The following TMEM71 variants were observed in gnomAD, a reference collection of about 807,000 sequenced individuals.
The protein encoded by TMEM71 is transmembrane protein 71.
In TMEM71, 44 loss-of-function variants were observed where a neutral mutation model predicts 38.0. The observed-to-expected ratio is 1.16, with a 90% CI of 0.91 to 1.49. The LOEUF is 1.49. Among genes scored for constraint, TMEM71 ranks in the 40% most tolerant of loss-of-function variants. The probability of loss-of-function intolerance (pLI) is 0.00; values close to 1 mark genes in which losing one functional copy is unlikely to be tolerated. For missense variants in TMEM71, 367 were observed against 348.6 expected (o/e 1.05, Z -0.42); for synonymous variants, 133 against 122.5 (o/e 1.09, Z -0.56).
intron 5 of TMEM71, among the ~76,000 whole-genome samples, chr8:132,742,852 G>T (rs564288754): frequency 1.3e-5 from 2 of 152,290 alleles, no homozygotes; most frequent in Admixed American, 1.3e-4. Context: ...AAAGAAAGAG[G>T]TTTAATGGAC....
the TMEM71 span, among the ~76,000 whole-genome samples, chr8:132,766,378 G>A: frequency 1.4e-5 from 2 of 142,402 alleles, no homozygotes; most frequent in Non-Finnish European, 3.1e-5. Context: ...TAGGGTGATG[G>A]GTAGATGTAT....
intron 5 of TMEM71, among the ~76,000 whole-genome samples, chr8:132,740,372 C>T (rs909864517): frequency 6.6e-6 from 1 of 152,184 alleles, no homozygotes; most frequent in African/African-American, 2.4e-5. Flanking sequence ...TTTACATTTG[C>T]AATCCCCATC....
intron 5 of TMEM71, among the ~76,000 whole-genome samples, chr8:132,741,893 C>T (rs1042905270): frequency 9.2e-5 from 14 of 152,344 alleles, no homozygotes; most frequent in Admixed American, 6.5e-4. Flanking sequence ...CTCCCTTTCC[C>T]GGTCTGCTAT....
chr8:132,753,342 G>T (rs75828069), intron 3 of TMEM71, among the ~76,000 whole-genome samples: 4,003 of 152,196 alleles, frequency 0.026, 212 homozygotes, highest in African/African-American at 0.092. Context: ...TAACAGCACT[G>T]ATAGTATAAT....
chr8:132,746,639 G>C (rs1191592209), intron 5 of TMEM71, among the ~76,000 whole-genome samples: 1 of 151,612 alleles, frequency 6.6e-6, no homozygotes, highest in Non-Finnish European at 1.5e-5. Context: ...TCTGACTCTA[G>C]TATCCTTTCT....
chr8:132,714,238 A>G (rs199598812), intron 7 of TMEM71, 23 bp from the exon 8 acceptor site: 6 of 1,579,082 alleles, frequency 3.8e-6, no homozygotes, highest in Middle Eastern at 2.3e-4. Flanking sequence ...GATTGCTCTG[A>G]TTTAGCATAC....
chr8:132,721,424 G>A (rs1280726338), intron 7 of TMEM71, among the ~76,000 whole-genome samples: 1 of 152,140 alleles, frequency 6.6e-6, no homozygotes, highest in Non-Finnish European at 1.5e-5. Context: ...GCTATACTTA[G>A]AGTATATCTG....
At chr8:132,740,536 T>G (rs1164598661) in intron 5 of TMEM71, among the ~76,000 whole-genome samples, 4 of 152,234 alleles carry the variant, frequency 2.6e-5, no homozygotes, top group African/African-American at 7.2e-5. Context: ...TGTAGGATAA[T>G]GCCTGGAACA....
chr8:132,749,776 G>A (rs1828592210), intron 4 of TMEM71, among the ~76,000 whole-genome samples: 1 of 152,144 alleles, frequency 6.6e-6, no homozygotes, highest in Non-Finnish European at 1.5e-5. Context: ...AGCACTTTGG[G>A]AGTTTGAGGC....
intron 7 of TMEM71, among the ~76,000 whole-genome samples, chr8:132,715,366 C>T (rs1201972859): frequency 4.3e-5 from 6 of 138,618 alleles, no homozygotes; most frequent in Non-Finnish European, 6.0e-5. Flanking sequence ...GCCGAGGTCA[C>T]GCCACTGCAC....
At chr8:132,718,867 T>G (rs955744567) in intron 7 of TMEM71, among the ~76,000 whole-genome samples, 8 of 152,234 alleles carry the variant, frequency 5.3e-5, no homozygotes, top group African/African-American at 1.9e-4. Flanking sequence ...GAATAGTATT[T>G]TTATTGTTTT....
intron 5 of TMEM71, among the ~76,000 whole-genome samples, chr8:132,734,045 G>A (rs2739016): frequency 0.36 from 54,018 of 151,760 alleles, 10,984 homozygotes; most frequent in South Asian, 0.51. Context: ...ATGTGAATAT[G>A]GTCTCAGTTA....
At chr8:132,771,311 T>C in the TMEM71 span, among the ~76,000 whole-genome samples, 1 of 152,228 alleles carries the variant, frequency 6.6e-6, no homozygotes, top group Admixed American at 6.5e-5. Context: ...GGTTGGATGA[T>C]AAATTTTCTG....
intron 3 of TMEM71, among the ~76,000 whole-genome samples, chr8:132,756,034 C>CT (rs1377762865): frequency 6.6e-6 from 1 of 151,906 alleles, no homozygotes; most frequent in African/African-American, 2.4e-5. Context: ...ATCAGGAGGC[C>CT]TACAATTTAC....
At chr8:132,749,099 T>C (rs1302248941) in intron 4 of TMEM71, among the ~76,000 whole-genome samples, 1 of 152,214 alleles carries the variant, frequency 6.6e-6, no homozygotes, top group South Asian at 2.1e-4. Flanking sequence ...TTGGCAGTTA[T>C]GTAAGGTGAA....
At chr8:132,727,507 C>T (rs983770085) in intron 6 of TMEM71, among the ~76,000 whole-genome samples, 25 of 152,256 alleles carry the variant, frequency 1.6e-4, no homozygotes, top group African/African-American at 2.9e-4. Flanking sequence ...CCGCCCGCCT[C>T]GGCCTCCCAA....
intron 5 of TMEM71, 89 bp from the exon 6 acceptor site, chr8:132,728,075 G>T (rs1827254830): frequency 2.0e-6 from 2 of 996,668 alleles, no homozygotes; most frequent in African/African-American, 1.6e-5. Context: ...TGCACAGTTA[G>T]TTCCTAATAA....
chr8:132,738,101 T>C (rs1827844541), intron 5 of TMEM71, among the ~76,000 whole-genome samples: 1 of 152,174 alleles, frequency 6.6e-6, no homozygotes, highest in Non-Finnish European at 1.5e-5. Flanking sequence ...ATATTAGAAG[T>C]GTGACATTTT....
chr8:132,714,355 GGACA>G, intron 7 of TMEM71, 140 bp from the exon 8 acceptor site: 2 of 687,698 alleles, frequency 2.9e-6, no homozygotes, highest in Non-Finnish European at 5.1e-6. Flanking sequence ...ATTGGAAAAT[GGACA>G]GACATACAGA....
Sources: allele counts gnomAD v4.1 joint callset (sites outside exome capture counted in the v4.1 genomes callset), GRCh38; gene constraint gnomAD v4.1.1; transcripts MANE v1.5; gene names NCBI Gene and HGNC (gene_info 2026-07-23, HGNC 2026-07-21).